The following KLHL4 variants were observed in gnomAD, a reference collection of about 807,000 sequenced individuals.
KLHL4 encodes the protein kelch like family member 4.
KLHL4 carries 17 observed loss-of-function variants against 45.8 expected under a neutral mutation model. The observed-to-expected ratio is 0.37, with a 90% CI of 0.25 to 0.56. KLHL4 has a LOEUF of 0.56. KLHL4 is among the 20% of genes least tolerant of loss of function. The pLI, the probability that KLHL4 is intolerant of heterozygous loss-of-function variation, is 0.79. For synonymous variants in KLHL4, 224 were observed against 189.9 expected (o/e 1.18, Z -1.47); for missense variants, 544 against 544.9 (o/e 1.00, Z 0.02).
chrX:87,587,150 C>CAAAAAAAAAAAAAAAAA (rs1197848253), intron 1 of KLHL4, among the ~76,000 whole-genome samples: 7 of 47,808 alleles, frequency 1.5e-4, no homozygotes, highest in Admixed American at 3.0e-4. Flanking sequence ...TAAAATAAAG[C>CAAAAAAAAAAAAAAAAA]AAAAAAAAAA....
rs59763049 is a variant in KLHL4, at chrX:87,617,354, CA to C, written c.728-568del. The stretch of plus-strand genomic sequence containing the variant: ...ACATCTTTACCAGCTAATGTAGATA[CA>C]AAAAAAAAAGGCATAAAAGTTCAGT... On this transcript the variant is annotated intron_variant, in intron 3 of 10. Coordinates refer to ENST00000373119, the MANE Select transcript of KLHL4 (RefSeq NM_019117.5). Among the ~76,000 whole-genome samples the C allele has an allele frequency of 6.0e-3, 580 of 95,892 alleles. 3 individuals carry two copies. Among genetic ancestry groups the C allele is most frequent in the African/African-American group, 0.02 (521 of 26,677 alleles). The allele number at this position is 95,892 out of a possible 115,157, so 83.3% of individuals were successfully genotyped here.
In KLHL4 at chrX:87,660,258, A is replaced by G. The variant is rs975165145; in HGVS notation, c.1926-4506A>G. 3.6e-5 allele frequency among the ~76,000 whole-genome samples: 4 copies of G among 111,691 alleles called. No homozygotes were observed. In the Admixed American group the frequency reaches 3.8e-4, roughly 11 times the overall value. On this transcript the variant is annotated intron_variant, in intron 9 of 10. Coordinates refer to ENST00000373119, the MANE Select transcript of KLHL4 (RefSeq NM_019117.5). ...CCAGAGAATGTACACAGATATTTTA[A>G]AAATCCATAATTGTATTCAACAAAG...
At chrX:87,626,570 A>T (rs746947097) in intron 6 of KLHL4, among the ~76,000 whole-genome samples, 2 of 109,971 alleles carry the variant, frequency 1.8e-5, no homozygotes, top group Non-Finnish European at 3.8e-5. Flanking sequence ...TGTGAAATTC[A>T]ACGTAACTTT....
At chrX:87,643,101 C>A (rs1476486288) in intron 9 of KLHL4, among the ~76,000 whole-genome samples, 1 of 110,707 alleles carries the variant, frequency 9.0e-6, no homozygotes, top group Non-Finnish European at 1.9e-5. Context: ...GAAATTGAAA[C>A]CAAAAAAATA....
chrX:87,623,278 T>A (rs1922813793), intron 5 of KLHL4, among the ~76,000 whole-genome samples: 1 of 98,501 alleles, frequency 1.0e-5, no homozygotes, highest in Admixed American at 1.2e-4. Flanking sequence ...TTGATGATTT[T>A]TCCTTTTTTC....
At chrX:87,661,958 G>A (rs1327627534) in intron 9 of KLHL4, among the ~76,000 whole-genome samples, 1 of 111,429 alleles carries the variant, frequency 9.0e-6, no homozygotes, top group Non-Finnish European at 1.9e-5. Context: ...TATCAACCGC[G>A]TAGGGTACAA....
intron 1 of KLHL4, among the ~76,000 whole-genome samples, chrX:87,574,061 TA>T (rs1005051448): frequency 8.1e-5 from 9 of 111,520 alleles, no homozygotes; most frequent in Non-Finnish European, 7.6e-5. Context: ...TATTCAAAAC[TA>T]AAAAAAATTA....
At chrX:87,625,887 A>C (rs1224224601) in intron 6 of KLHL4, 91 bp downstream of exon 6, 1 of 701,430 alleles carries the variant, frequency 1.4e-6, no homozygotes, top group East Asian at 3.6e-5. Context: ...ATGTTAAATG[A>C]GTGCACCTAA....
intron 9 of KLHL4, among the ~76,000 whole-genome samples, chrX:87,641,299 CAGG>C (rs1434536674): frequency 5.4e-5 from 6 of 111,885 alleles, no homozygotes; most frequent in Non-Finnish European, 1.1e-4. Context: ...GGTCTGTTTG[CAGG>C]AGAAGTTTCC....
chrX:87,610,946 C>T (rs982150616), intron 1 of KLHL4, among the ~76,000 whole-genome samples: 7 of 110,251 alleles, frequency 6.3e-5, no homozygotes, highest in African/African-American at 9.9e-5. Flanking sequence ...TGGTGGTGCA[C>T]GTCCGCAGTC....
chrX:87,666,711 A>G lies in KLHL4; in HGVS notation c.*177A>G. On this transcript the variant is annotated 3_prime_UTR_variant, in exon 11 of 11. Transcript: ENST00000373119. ...TCATTCGTGAAGCCGAAACGTTTTTAAACATGAATTACATATGAATTATTA... is the reference window on the plus strand; with the variant it reads ...TCATTCGTGAAGCCGAAACGTTTTTGAACATGAATTACATATGAATTATTA... 1.0e-6 allele frequency: 1 copy of G among 985,695 alleles called. No homozygotes were observed. Among genetic ancestry groups the G allele is most frequent in the South Asian group, 3.6e-5 (1 of 27,476 alleles). 81.2% of individuals were successfully genotyped at this position (985,695 alleles called of 1,213,427 possible). A position where few individuals can be genotyped will look rare whatever the true frequency, so the allele number is the denominator to read the frequency against.
rs186033238 is a variant in KLHL4 at position 87,556,707 on chromosome X, A to G, written c.422+38392A>G. Among the ~76,000 whole-genome samples the G allele has an allele frequency of 4.4e-3, 477 of 109,554 alleles. 6 individuals carry two copies. Among genetic ancestry groups the G allele is most frequent in the African/African-American group, 0.016 (458 of 29,453 alleles). On this transcript the variant is annotated intron_variant, in intron 1 of 10. Coordinates refer to ENST00000373119, the MANE Select transcript of KLHL4 (RefSeq NM_019117.5). ...ACAAAACAAAACAAAACAAAACAAA[A>G]CAAAACAAAACAGCTTCACATTGGA...
chrX:87,552,091 C>A (rs1931839742), intron 1 of KLHL4, among the ~76,000 whole-genome samples: 1 of 111,460 alleles, frequency 9.0e-6, no homozygotes, highest in Admixed American at 9.6e-5. Flanking sequence ...AAAAAACAGT[C>A]ACCTGAGTAA....
At chrX:87,534,091 T>G (rs1014235690) in intron 1 of KLHL4, among the ~76,000 whole-genome samples, 2 of 111,439 alleles carry the variant, frequency 1.8e-5, no homozygotes, top group African/African-American at 3.3e-5. Flanking sequence ...GAAAACACGT[T>G]TGTTAAATGT....
rs2147820259 is a variant in KLHL4 at position 87,625,754 on chromosome X, G to A, written c.1282G>A (p.Val428Met). ...SPRTKPRKST[V>M]GALYAVGGMD... The stretch of plus-strand genomic sequence containing the variant: ...TCGGACAAAGCCTAGAAAATCAACT[G>A]TGGGGGCACTTTATGCTGTAGGAGG... The change falls in exon 6 of 11, where the codon GTG becomes ATG. Residue 428 changes from valine (V) to methionine (M), a missense_variant. Physicochemically the swap from Val to Met is conservative, Grantham distance 21 (BLOSUM62 1). Coordinates refer to ENST00000373119, the MANE Select transcript of KLHL4 (RefSeq NM_019117.5). 8.3e-7 allele frequency: 1 copy of A among 1,207,172 alleles called. No individual in the cohort carries two copies.
At chrX:87,622,586 A>G (rs1369974595) in intron 5 of KLHL4, among the ~76,000 whole-genome samples, 163 bp downstream of exon 5, 1 of 111,969 alleles carries the variant, frequency 8.9e-6, no homozygotes, top group African/African-American at 3.2e-5. Flanking sequence ...AATTAGAGGC[A>G]TTAATAAAAG....
intron 9 of KLHL4, among the ~76,000 whole-genome samples, chrX:87,649,475 G>T (rs1042036218): frequency 9.0e-6 from 1 of 111,106 alleles, no homozygotes; most frequent in Non-Finnish European, 1.9e-5. Flanking sequence ...TAGATTTCCT[G>T]GTCACTGTGT....
rs191942388 is a variant in KLHL4, at chrX:87,543,894, G to T, written c.422+25579G>T. On this transcript the variant is annotated intron_variant, in intron 1 of 10. Coordinates refer to ENST00000373119, the MANE Select transcript of KLHL4 (RefSeq NM_019117.5). ...CATCTGCTAAGTGAAGAGCCCTTCAGCCCTGAATAAGCCAGCAGTGATACT... is the reference window on the plus strand; with the variant it reads ...CATCTGCTAAGTGAAGAGCCCTTCATCCCTGAATAAGCCAGCAGTGATACT... Among the ~76,000 whole-genome samples, 8 of 111,551 alleles carry T rather than the reference G, an allele frequency of 7.2e-5. No homozygotes were observed. In the East Asian group the frequency reaches 2.0e-3, roughly 28 times the overall value.
At chrX:87,590,828 C>T (rs1161803904) in intron 1 of KLHL4, among the ~76,000 whole-genome samples, 1 of 111,760 alleles carries the variant, frequency 8.9e-6, no homozygotes, top group Non-Finnish European at 1.9e-5. Context: ...AACATGATTT[C>T]ATTTGTTAAA....
Sources: allele counts gnomAD v4.1 joint callset (sites outside exome capture counted in the v4.1 genomes callset), GRCh38; gene constraint gnomAD v4.1.1; transcripts MANE v1.5; gene names NCBI Gene and HGNC (gene_info 2026-07-23, HGNC 2026-07-21).